Variants in CPS1 observed in about 807,000 individuals in gnomAD.
CPS1 encodes carbamoyl-phosphate synthase 1.
In CPS1, 109 loss-of-function variants were observed where a neutral mutation model predicts 174.6. The observed-to-expected ratio is 0.62, with a 90% CI of 0.53 to 0.73. The LOEUF is 0.73. Among genes scored for constraint, CPS1 ranks in the 30% least tolerant of loss-of-function variants. The pLI, the probability that CPS1 is intolerant of heterozygous loss-of-function variation, is 0.00. For synonymous variants in CPS1, 637 were observed against 632.0 expected, an observed-to-expected ratio of 1.01 and a Z score of -0.12; for missense variants, 1,689 against 1,821.9, an observed-to-expected ratio of 0.93 and a Z score of 1.33.
In CPS1 at chr2:210,623,891, G is replaced by A. The variant is rs556735009; in HGVS notation, c.2687+7350G>A. Reference sequence around the variant, plus strand: ...CTTGATTGAAGTTTCTGGGGGAAAAGTGTCACCTAAGAGTTGTTGGAACTT... The same window carrying A: ...CTTGATTGAAGTTTCTGGGGGAAAAATGTCACCTAAGAGTTGTTGGAACTT... On this transcript the variant is annotated intron_variant, in intron 21 of 37. Coordinates refer to ENST00000233072, the MANE Select transcript of CPS1 (RefSeq NM_001875.5). Among the ~76,000 whole-genome samples the A allele has an allele frequency of 6.3e-4, 96 of 152,152 alleles. 1 individual carries two copies. Among genetic ancestry groups the A allele is most frequent in the African/African-American group, 2.2e-3 (93 of 41,518 alleles).
chr2:210,505,791 C>G (rs1374252486), intron 1 of CPS1, among the ~76,000 whole-genome samples: 2 of 152,200 alleles, frequency 1.3e-5, no homozygotes, highest in African/African-American at 2.4e-5. Flanking sequence ...TTGCTCATTG[C>G]TAATACAGCA....
chr2:210,596,438 A>G (rs1232122378), intron 13 of CPS1, among the ~76,000 whole-genome samples: 1 of 151,902 alleles, frequency 6.6e-6, no homozygotes, highest in African/African-American at 2.4e-5. Context: ...CCTGGGAAAA[A>G]TAGTTGGCCA....
chr2:210,547,127 G>T (rs1366083205), intron 1 of CPS1, among the ~76,000 whole-genome samples: 3 of 152,076 alleles, frequency 2.0e-5, no homozygotes. Context: ...CTGAGCCAAA[G>T]AATTTACATA....
intron 1 of CPS1, among the ~76,000 whole-genome samples, chr2:210,514,704 C>G (rs1179840284): frequency 6.6e-6 from 1 of 150,378 alleles, no homozygotes; most frequent in Admixed American, 6.6e-5. Context: ...CTTGGTACTT[C>G]TAGTACTATG....
At chr2:210,587,670 A>G (rs1289222789) in intron 6 of CPS1, among the ~76,000 whole-genome samples, 1 of 151,988 alleles carries the variant, frequency 6.6e-6, no homozygotes, top group East Asian at 1.9e-4. Context: ...GTGGTATTTA[A>G]AGCATGATGT....
chr2:210,634,225 T>C (rs1229399039), intron 21 of CPS1, among the ~76,000 whole-genome samples: 1 of 152,106 alleles, frequency 6.6e-6, no homozygotes, highest in Non-Finnish European at 1.5e-5. Context: ...GGTCAGGAGA[T>C]CAAGACCATC....
chr2:210,645,777 A>G (rs1373948277), intron 25 of CPS1, among the ~76,000 whole-genome samples: 2 of 152,096 alleles, frequency 1.3e-5, no homozygotes, highest in African/African-American at 2.4e-5. Context: ...AGCTCTATAC[A>G]TGTATTTGCT....
intron 34 of CPS1, among the ~76,000 whole-genome samples, chr2:210,669,757 TTAAG>T (rs1215391227): frequency 6.6e-6 from 1 of 152,158 alleles, no homozygotes; most frequent in African/African-American, 2.4e-5. Context: ...TTAAGTATTA[TTAAG>T]TCCCAAGTAG....
chr2:210,509,815 C>A (rs956198639), intron 1 of CPS1, among the ~76,000 whole-genome samples: 5 of 152,152 alleles, frequency 3.3e-5, no homozygotes, highest in Non-Finnish European at 7.3e-5. Flanking sequence ...ATCCAACTTA[C>A]AAGGGATGTG....
intron 6 of CPS1, among the ~76,000 whole-genome samples, chr2:210,585,355 T>C (rs1698071213): frequency 1.3e-5 from 2 of 152,066 alleles, no homozygotes; most frequent in Admixed American, 1.3e-4. Flanking sequence ...ATTATTAATA[T>C]AATAAAATTA....
intron 6 of CPS1, among the ~76,000 whole-genome samples, chr2:210,583,202 C>T (rs111835944): frequency 3.4e-4 from 51 of 152,222 alleles, no homozygotes; most frequent in African/African-American, 1.1e-3. Flanking sequence ...ATGTTCGTAA[C>T]GATGACTGAG....
rs547735739 is a variant in CPS1 at position 210,560,200 on chromosome 2, A to G, written c.126+3341A>G. Among the ~76,000 whole-genome samples, 15 of 152,244 alleles carry G rather than the reference A, an allele frequency of 9.9e-5. 1 individual carries two copies. In the South Asian group the frequency reaches 3.1e-3, roughly 32 times the overall value. On this transcript the variant is annotated intron_variant, in intron 1 of 37. Transcript: ENST00000233072. The stretch of plus-strand genomic sequence containing the variant: ...AATTTAATTCCAAAAGGCAGAATAG[A>G]CACCATAATAACCTATTTCATTCAT...
chr2:210,607,006 G>T (rs1698938576), intron 18 of CPS1, 65 bp downstream of exon 18: 1 of 1,429,532 alleles, frequency 7.0e-7, no homozygotes, highest in African/African-American at 1.4e-5. Flanking sequence ...AAAATTGACA[G>T]ATAGTGGAAG....
At chr2:210,527,633 C>T (rs961714196) in intron 1 of CPS1, among the ~76,000 whole-genome samples, 4 of 151,698 alleles carry the variant, frequency 2.6e-5, no homozygotes, top group Non-Finnish European at 5.9e-5. Flanking sequence ...CTTAATAGAA[C>T]CTTCTATTTG....
chr2:210,668,218 C>T lies in CPS1; in HGVS notation c.4035C>T (p.Ala1345=), dbSNP rs771673533. ...VACFGEGIHT[A]FLKAMLSTGF... ...GCTTTGGTGAAGGTATTCATACAGC[C>T]TTCCTAAAGGCAATGCTTTCCACAG... Residue 1345 remains alanine, a synonymous_variant, in exon 34 of 38, where the codon GCC becomes GCT. Coordinates refer to ENST00000233072, the MANE Select transcript of CPS1 (RefSeq NM_001875.5). The T allele has an allele frequency of 1.9e-6, 3 of 1,613,716 alleles. No individual in the cohort carries two copies. The highest frequency in any genetic ancestry group is 1.7e-5 in the Admixed American group (1 of 59,954).
rs191788787 is a variant in CPS1, at chr2:210,542,033, C to G, written c.4-14686C>G. Among the ~76,000 whole-genome samples the G allele has an allele frequency of 1.4e-4, 21 of 152,200 alleles. No homozygotes were observed. In the East Asian group the frequency reaches 3.5e-3, roughly 25 times the overall value. On this transcript the variant is annotated intron_variant, in intron 1 of 38. Coordinates refer to the CPS1 transcript ENST00000430249. ...TTCCCCTCCTCCCTTATTTTTTGAT[C>G]TCATATACTCAAGTATTCTTAGTGT...
chr2:210,676,118 T>C (rs1474994740), intron 36 of CPS1, among the ~76,000 whole-genome samples: 1 of 152,246 alleles, frequency 6.6e-6, no homozygotes, highest in Admixed American at 6.5e-5. Flanking sequence ...CAGCACTTTA[T>C]ATTTCATGTC....
chr2:210,639,873 T>A (rs553597076), intron 23 of CPS1, 123 bp from the exon 24 acceptor site: 150 of 740,756 alleles, frequency 2.0e-4, no homozygotes, highest in Non-Finnish European at 3.1e-4. Flanking sequence ...CAGAGACTAA[T>A]AGAGAATACA....
intron 1 of CPS1, among the ~76,000 whole-genome samples, chr2:210,527,654 T>C (rs974060608): frequency 6.6e-6 from 1 of 151,956 alleles, no homozygotes; most frequent in Non-Finnish European, 1.5e-5. Flanking sequence ...TTCTTTGTTA[T>C]GTTTACTAGC....
Sources: gnomAD v4.1 joint callset for allele counts (sites outside exome capture counted in the v4.1 genomes callset) on GRCh38, gnomAD v4.1.1 for gene constraint, MANE v1.5 for transcripts, NCBI Gene and HGNC (gene_info 2026-07-23, HGNC 2026-07-21) for gene names.